Variants in EVA1C observed in about 807,000 individuals in gnomAD.
EVA1C encodes the protein eva-1 homolog C, also known as protein eva-1 homolog C.
In EVA1C, 25 loss-of-function variants were observed where a neutral mutation model predicts 45.4. That is an observed-to-expected ratio of 0.55 (90% CI 0.40 to 0.77). The LOEUF (loss-of-function observed/expected upper bound fraction) is 0.77, where lower values mean the gene tolerates loss of function less well. Ranked by LOEUF, EVA1C falls within the 30% of genes least tolerant of loss-of-function variation. The pLI is 0.00. For synonymous variants in EVA1C, 190 were observed against 221.2 expected, an observed-to-expected ratio of 0.86 and a Z score of 1.25; for missense variants, 479 against 554.8, an observed-to-expected ratio of 0.86 and a Z score of 1.37.
At chr21:32,459,089 A>G (rs1370940826) in intron 3 of EVA1C, among the ~76,000 whole-genome samples, 1 of 152,098 alleles carries the variant, frequency 6.6e-6, no homozygotes, top group African/African-American at 2.4e-5. Context: ...ACACTCTCAC[A>G]GCACATAACA....
At chr21:32,453,849 C>T (rs528877076) in intron 2 of EVA1C, among the ~76,000 whole-genome samples, 14 of 152,328 alleles carry the variant, frequency 9.2e-5, no homozygotes, top group African/African-American at 3.1e-4. Context: ...ATAAATACTC[C>T]TGTAGAAAGG....
At chr21:32,469,340 G>T (rs2036292233) in intron 4 of EVA1C, among the ~76,000 whole-genome samples, 1 of 152,162 alleles carries the variant, frequency 6.6e-6, no homozygotes, top group South Asian at 2.1e-4. Flanking sequence ...AGGGAGTGAT[G>T]GGCATGCTGG....
chr21:32,501,986 T>TTCTTTC (rs1354540986), intron 6 of EVA1C, among the ~76,000 whole-genome samples: 10 of 1,676 alleles, frequency 6.0e-3, no homozygotes, highest in African/African-American at 0.014. Context: ...TCTCGCTCTT[T>TTCTTTC]TCTTTCTTTC....
intron 7 of EVA1C, among the ~76,000 whole-genome samples, chr21:32,514,585 G>A (rs1028028255): frequency 6.6e-6 from 1 of 152,156 alleles, no homozygotes; most frequent in Admixed American, 6.5e-5. Context: ...CCTCTGCTGT[G>A]TGTTTTTCTC....
At chr21:32,425,868 A>G (rs1381994415) in intron 1 of EVA1C, among the ~76,000 whole-genome samples, 1 of 152,204 alleles carries the variant, frequency 6.6e-6, no homozygotes, top group Non-Finnish European at 1.5e-5. Context: ...AGAATCATGC[A>G]GTCCTTGTGC....
intron 1 of EVA1C, among the ~76,000 whole-genome samples, chr21:32,414,957 G>A (rs576260046): frequency 2.3e-4 from 35 of 152,298 alleles, no homozygotes; most frequent in Middle Eastern, 6.8e-3. Flanking sequence ...TATCATGTGA[G>A]GTCAGGGAAA....
At chr21:32,423,097 T>A (rs1033485405) in intron 1 of EVA1C, among the ~76,000 whole-genome samples, 200 of 73,006 alleles carry the variant, frequency 2.7e-3, no homozygotes, top group Admixed American at 3.7e-3. Context: ...AAAAAAAAAA[T>A]GGTGGACAAA....
intron 3 of EVA1C, among the ~76,000 whole-genome samples, chr21:32,467,170 C>G (rs1468156928): frequency 1.3e-5 from 2 of 152,122 alleles, no homozygotes; most frequent in South Asian, 2.1e-4. Context: ...CTAAACTAAA[C>G]TAAAATAACA....
At chr21:32,473,769 C>A in intron 4 of EVA1C, 1 of 208,198 alleles carries the variant, frequency 4.8e-6, no homozygotes, top group Non-Finnish European at 8.4e-6. Flanking sequence ...GCACCAAGTG[C>A]AGCCTTCATG....
intron 7 of EVA1C, among the ~76,000 whole-genome samples, chr21:32,506,435 G>A (rs933903108): frequency 3.3e-5 from 5 of 151,470 alleles, no homozygotes; most frequent in Non-Finnish European, 5.9e-5. Flanking sequence ...TTTTATTGAG[G>A]GGTGTTTGGT....
intron 3 of EVA1C, among the ~76,000 whole-genome samples, chr21:32,458,994 C>T (rs2035896421): frequency 6.6e-6 from 1 of 152,078 alleles, no homozygotes; most frequent in Admixed American, 6.5e-5. Context: ...GATATGCAGG[C>T]TTCTGTCAAA....
At chr21:32,473,101 A>C (rs1023458214) in intron 4 of EVA1C, among the ~76,000 whole-genome samples, 1 of 152,252 alleles carries the variant, frequency 6.6e-6, no homozygotes, top group Admixed American at 6.5e-5. Context: ...CTCACCATTC[A>C]GGTCAGTGCT....
chr21:32,457,218 A>AGAGACCCTGT (rs2035816027), intron 2 of EVA1C, among the ~76,000 whole-genome samples: 1 of 152,210 alleles, frequency 6.6e-6, no homozygotes, highest in Non-Finnish European at 1.5e-5. Flanking sequence ...GCTTAAAGCT[A>AGAGACCCTGT]GGGGACCCCG....
intron 4 of EVA1C, among the ~76,000 whole-genome samples, chr21:32,471,666 T>C (rs1440189062): frequency 6.7e-6 from 1 of 148,356 alleles, no homozygotes; most frequent in Non-Finnish European, 1.5e-5. Flanking sequence ...TCTTGCTCTG[T>C]CCCCCAGGCT....
chr21:32,457,928 C>T (rs2035850822), intron 3 of EVA1C, among the ~76,000 whole-genome samples: 1 of 152,210 alleles, frequency 6.6e-6, no homozygotes, highest in Non-Finnish European at 1.5e-5. Flanking sequence ...GTGTGTGAGT[C>T]TGCACATGCC....
intron 3 of EVA1C, among the ~76,000 whole-genome samples, chr21:32,460,788 C>A (rs2035969227): frequency 6.6e-6 from 1 of 152,068 alleles, no homozygotes; most frequent in Admixed American, 6.5e-5. Context: ...CTCCATTGCC[C>A]AGGCTGGAGT....
chr21:32,448,478 C>T (rs925976681), intron 1 of EVA1C, among the ~76,000 whole-genome samples: 26 of 152,154 alleles, frequency 1.7e-4, no homozygotes, highest in Admixed American at 4.6e-4. Flanking sequence ...CCAGCTCGCC[C>T]GAGCTCCTCG....
At chr21:32,466,500 AAAT>A (rs2036180835) in intron 3 of EVA1C, among the ~76,000 whole-genome samples, 1 of 147,968 alleles carries the variant, frequency 6.8e-6, no homozygotes, top group South Asian at 2.1e-4. Context: ...TTAAAAAAAA[AAAT>A]AAACTGTGTT....
At chr21:32,492,788 CACT>C (rs929948586) in intron 4 of EVA1C, among the ~76,000 whole-genome samples, 17 of 151,932 alleles carry the variant, frequency 1.1e-4, no homozygotes, top group Non-Finnish European at 2.2e-4. Context: ...TCAGTAGCAC[CACT>C]GTTTCCCCAG....
Sources: gnomAD v4.1 joint callset for allele counts (sites outside exome capture counted in the v4.1 genomes callset) on GRCh38, gnomAD v4.1.1 for gene constraint, MANE v1.5 for transcripts, NCBI Gene and HGNC (gene_info 2026-07-23, HGNC 2026-07-21) for gene names.